The following THSD7B variants were observed in gnomAD, a reference collection of about 807,000 sequenced individuals.
THSD7B encodes the protein thrombospondin type-1 domain-containing protein 7B.
Under a neutral mutation model 213.6 loss-of-function variants are expected in THSD7B, and 138 were observed. That is an observed-to-expected ratio of 0.65 (90% CI 0.56 to 0.74). THSD7B has a LOEUF of 0.74. THSD7B is among the 30% of genes least tolerant of loss of function. The probability of loss-of-function intolerance (pLI) is 0.00; values close to 1 mark genes in which losing one functional copy is unlikely to be tolerated. For missense variants in THSD7B, 1,931 were observed against 1,991.5 expected, an observed-to-expected ratio of 0.97 and a Z score of 0.58; for synonymous variants, 742 against 687.0, an observed-to-expected ratio of 1.08 and a Z score of -1.25.
At chr2:137,345,366 A>C (rs1361497238) in intron 12 of THSD7B, among the ~76,000 whole-genome samples, 5 of 151,730 alleles carry the variant, frequency 3.3e-5, no homozygotes, top group Admixed American at 3.3e-4. Flanking sequence ...TCAGAGACAT[A>C]AGGAAAAAAA....
chr2:137,202,500 G>T (rs892840774), intron 7 of THSD7B, among the ~76,000 whole-genome samples: 20 of 152,284 alleles, frequency 1.3e-4, no homozygotes, highest in African/African-American at 4.8e-4. Flanking sequence ...GGCATCGACT[G>T]CCACAGAGCA....
chr2:136,916,975 G>A (rs1684360722), intron 2 of THSD7B, among the ~76,000 whole-genome samples: 1 of 152,152 alleles, frequency 6.6e-6, no homozygotes, highest in Admixed American at 6.5e-5. Context: ...GTTAAAGACA[G>A]CATTATTATG....
chr2:136,966,723 C>T (rs567120609), intron 2 of THSD7B, among the ~76,000 whole-genome samples: 6 of 152,212 alleles, frequency 3.9e-5, no homozygotes, highest in Admixed American at 2.6e-4. Context: ...TTTTCCGTGT[C>T]GTCTTTGCTG....
At chr2:137,079,166 T>A (rs916807160) in intron 3 of THSD7B, among the ~76,000 whole-genome samples, 3 of 151,882 alleles carry the variant, frequency 2.0e-5, no homozygotes, top group Non-Finnish European at 2.9e-5. Context: ...AAAATAAATC[T>A]GTAATTGCAA....
At chr2:137,007,832 A>G (rs989519934) in intron 2 of THSD7B, among the ~76,000 whole-genome samples, 1 of 152,198 alleles carries the variant, frequency 6.6e-6, no homozygotes, top group African/African-American at 2.4e-5. Context: ...TTATTTAACT[A>G]TGAGTCACCT....
intron 1 of THSD7B, among the ~76,000 whole-genome samples, chr2:136,864,355 C>A (rs1392669588): frequency 1.3e-5 from 2 of 152,122 alleles, no homozygotes; most frequent in Admixed American, 6.5e-5. Context: ...AATAAATGTT[C>A]TTGTTGAAGC....
At chr2:137,244,101 C>T (rs998480166) in intron 10 of THSD7B, among the ~76,000 whole-genome samples, 1 of 152,158 alleles carries the variant, frequency 6.6e-6, no homozygotes, top group African/African-American at 2.4e-5. Context: ...AGAAAAGCTT[C>T]TGTCTCTACT....
chr2:137,584,509 C>A (rs1681669027), intron 17 of THSD7B, among the ~76,000 whole-genome samples: 1 of 152,154 alleles, frequency 6.6e-6, no homozygotes, highest in African/African-American at 2.4e-5. Flanking sequence ...AGATATGTCC[C>A]ATCAATACCT....
At chr2:137,633,545 A>G (rs1244848553) in intron 20 of THSD7B, among the ~76,000 whole-genome samples, 1 of 152,174 alleles carries the variant, frequency 6.6e-6, no homozygotes, top group Non-Finnish European at 1.5e-5. Context: ...TGGAAAGCAT[A>G]TGTTTTTGGA....
chr2:137,170,049 C>T (rs1680214244), intron 6 of THSD7B, among the ~76,000 whole-genome samples: 2 of 152,128 alleles, frequency 1.3e-5, no homozygotes, highest in African/African-American at 4.8e-5. Context: ...ACCTGCTTGA[C>T]TCCTGTTGAT....
At chr2:137,371,940 G>A (rs1685541940) in intron 12 of THSD7B, among the ~76,000 whole-genome samples, 1 of 151,966 alleles carries the variant, frequency 6.6e-6, no homozygotes, top group African/African-American at 2.4e-5. Flanking sequence ...GTTTTAATTT[G>A]TTTCAACTTG....
intron 6 of THSD7B, among the ~76,000 whole-genome samples, chr2:137,160,798 A>G (rs531650249): frequency 1.5e-4 from 23 of 152,126 alleles, no homozygotes; most frequent in African/African-American, 5.3e-4. Context: ...TAATTTTTGT[A>G]TTTTTAGTAG....
intron 5 of THSD7B, among the ~76,000 whole-genome samples, chr2:137,149,473 A>G (rs1176905500): frequency 1.3e-5 from 2 of 152,192 alleles, no homozygotes; most frequent in Non-Finnish European, 2.9e-5. Flanking sequence ...CTTGGGACCT[A>G]GTGAATCCCA....
At chr2:137,242,729 G>A (rs1447602980) in intron 10 of THSD7B, among the ~76,000 whole-genome samples, 157 bp downstream of exon 10, 1 of 151,448 alleles carries the variant, frequency 6.6e-6, no homozygotes, top group Admixed American at 6.6e-5. Flanking sequence ...ATGAAGTCTT[G>A]TATTTCCAAA....
chr2:137,458,244 C>T (rs770428728), intron 15 of THSD7B, among the ~76,000 whole-genome samples: 16 of 152,176 alleles, frequency 1.1e-4, no homozygotes, highest in Non-Finnish European at 1.8e-4. Flanking sequence ...GGGAAACACT[C>T]TCACAATAAG....
At chr2:136,976,353 C>T (rs960022744) in intron 2 of THSD7B, among the ~76,000 whole-genome samples, 4 of 152,080 alleles carry the variant, frequency 2.6e-5, no homozygotes, top group East Asian at 3.9e-4. Context: ...TTCAATACTT[C>T]GTTTATTAAA....
chr2:137,515,196 T>A (rs1041508478), intron 15 of THSD7B, among the ~76,000 whole-genome samples: 10 of 152,188 alleles, frequency 6.6e-5, no homozygotes, highest in African/African-American at 2.4e-4. Context: ...AGGACCCTGA[T>A]GAAGCTGGAG....
At chr2:137,235,193 T>G (rs1453761271) in intron 9 of THSD7B, among the ~76,000 whole-genome samples, 1 of 152,206 alleles carries the variant, frequency 6.6e-6, no homozygotes, top group Non-Finnish European at 1.5e-5. Flanking sequence ...AGATAATGTT[T>G]ATTTTTATGA....
At chr2:137,186,581 T>G (rs1177945942) in intron 7 of THSD7B, among the ~76,000 whole-genome samples, 1 of 152,156 alleles carries the variant, frequency 6.6e-6, no homozygotes, top group Middle Eastern at 3.2e-3. Context: ...TGTCTGTGTT[T>G]GTACCCATAC....
Sources: gnomAD v4.1 joint callset for allele counts (sites outside exome capture counted in the v4.1 genomes callset) on GRCh38, gnomAD v4.1.1 for gene constraint, MANE v1.5 for transcripts, NCBI Gene and HGNC (gene_info 2026-07-23, HGNC 2026-07-21) for gene names.